The following MED13 variants were observed in gnomAD, a reference collection of about 807,000 sequenced individuals.
MED13 encodes mediator complex subunit 13.
Under a neutral mutation model 225.2 loss-of-function variants are expected in MED13, and 23 were observed. The ratio of observed to expected loss-of-function variants is 0.10; its 90% CI spans 0.07 to 0.14. MED13 has a LOEUF of 0.14. Among genes scored for constraint, MED13 ranks in the 10% least tolerant of loss-of-function variants. The pLI is 1.00. For synonymous variants in MED13, 942 were observed against 889.2 expected, an observed-to-expected ratio of 1.06 and a Z score of -1.06; for missense variants, 2,197 against 2,594.5, an observed-to-expected ratio of 0.85 and a Z score of 3.33.
intron 3 of MED13, among the ~76,000 whole-genome samples, chr17:62,052,249 C>A (rs2080963066): frequency 6.6e-6 from 1 of 152,050 alleles, no homozygotes; most frequent in African/African-American, 2.4e-5. Flanking sequence ...TACTTCCAAG[C>A]CTAAGTCTCT....
chr17:61,958,996 C>T (rs1205351481), intron 23 of MED13, among the ~76,000 whole-genome samples: 1 of 151,812 alleles, frequency 6.6e-6, no homozygotes, highest in Non-Finnish European at 1.5e-5. Context: ...GACTCCATCA[C>T]TGCCCCTCTT....
At chr17:61,989,602 T>C (rs1483061116) in intron 11 of MED13, among the ~76,000 whole-genome samples, 1 of 152,224 alleles carries the variant, frequency 6.6e-6, no homozygotes, top group East Asian at 1.9e-4. Context: ...CCTCCCAAAG[T>C]GCTCGGATTA....
chr17:61,950,486 C>T (rs1012947889), intron 28 of MED13, among the ~76,000 whole-genome samples: 10 of 151,456 alleles, frequency 6.6e-5, no homozygotes, highest in Non-Finnish European at 1.0e-4. Flanking sequence ...CAGGTTCAAG[C>T]GATTCTCCTG....
chr17:62,011,779 C>T lies in MED13; in HGVS notation c.1284-546G>A, dbSNP rs557584897. Among the ~76,000 whole-genome samples, 14 of 152,258 alleles carry T rather than the reference C, an allele frequency of 9.2e-5. No homozygotes were observed. In the East Asian group the frequency reaches 2.5e-3, roughly 27 times the overall value. ...GGGCCTCACACCATACCTACCTTCTCCAAATACTTAGCACTACAAAAAGAA... is the reference window on the plus strand; with the variant it reads ...GGGCCTCACACCATACCTACCTTCTTCAAATACTTAGCACTACAAAAAGAA... On this transcript the variant is annotated intron_variant, in intron 8 of 29. Coordinates refer to ENST00000397786, the MANE Select transcript of MED13 (RefSeq NM_005121.3).
intron 27 of MED13, 147 bp downstream of exon 27, chr17:61,952,818 G>A (rs1404564619): frequency 4.8e-6 from 4 of 838,314 alleles, no homozygotes; most frequent in East Asian, 2.7e-5. Flanking sequence ...TACATTTTTA[G>A]TAGAGATGGG....
At chr17:62,003,072 G>A (rs2080411012) in intron 9 of MED13, among the ~76,000 whole-genome samples, 1 of 152,096 alleles carries the variant, frequency 6.6e-6, no homozygotes, top group South Asian at 2.1e-4. Flanking sequence ...TGGGGCTGGA[G>A]GGATATAAAA....
rs980586772 is a variant in MED13, at chr17:62,035,466, G to C, written c.613C>G (p.Gln205Glu). 1.9e-6 allele frequency: 3 copies of C among 1,598,798 alleles called. No individual in the cohort carries two copies. The highest frequency in any genetic ancestry group is 2.6e-6 in the Non-Finnish European group (3 of 1,174,046). The change falls in exon 4 of 30, where the codon CAA (glutamine) becomes GAA (glutamate). Residue 205 changes from glutamine to glutamate, a missense_variant. By Grantham distance (29) the Gln-to-Glu change is conservative (BLOSUM62 2). Around this residue, in one of 12 missense-constraint regions of MED13, gnomAD observed 884 missense variants for 918.5 expected, o/e 0.96. Coordinates refer to ENST00000397786, the MANE Select transcript of MED13 (RefSeq NM_005121.3). ...TLAQQSNSPF[Q>E]VILCPFGLNG... is the part of the protein sequence containing the mutation. Reference sequence around the variant, plus strand: ...CTAATATAATAAAATAATCTACCTTGAAATGGGCTATTAGACTGTTGAGCA... The same window carrying C: ...CTAATATAATAAAATAATCTACCTTCAAATGGGCTATTAGACTGTTGAGCA...
intron 9 of MED13, among the ~76,000 whole-genome samples, chr17:61,997,182 T>C (rs111394435): frequency 5.3e-5 from 8 of 152,344 alleles, no homozygotes; most frequent in African/African-American, 1.7e-4. Flanking sequence ...TAGTAGCACT[T>C]GATCTCTTAC....
chr17:62,042,339 G>A (rs1348276777), intron 3 of MED13, among the ~76,000 whole-genome samples: 1 of 152,056 alleles, frequency 6.6e-6, no homozygotes, highest in African/African-American at 2.4e-5. Context: ...CAAGGCGGGT[G>A]GATCATGAGG....
Position 61,987,009 on chromosome 17 carries a change from T to C in MED13, c.2383A>G (p.Thr795Ala), listed in dbSNP as rs1331318945. The C allele has an allele frequency of 6.4e-7, 1 of 1,556,834 alleles. No homozygotes were observed. The highest frequency in any genetic ancestry group is 2.4e-5 in the East Asian group (1 of 42,212). Reference protein sequence around the residue: ...NLFNSDEDELTPGSKKSANGS... With the variant: ...NLFNSDEDELAPGSKKSANGS... ...CTATTCATTAATGAGATACTCACTG[T>C]TAGTTCATCTTCATCAGAATTGAAG... is the stretch of plus-strand genomic sequence containing the variant. The change falls in exon 12 of 30, where the codon ACA becomes GCA. Residue 795 changes from threonine to alanine, a missense_variant and splice_region_variant. Physicochemically the swap from Thr to Ala is moderately conservative, Grantham distance 58 (BLOSUM62 0). Transcript: ENST00000397786.
Position 61,965,031 on chromosome 17 carries a change from G to C in MED13, c.4819C>G (p.Gln1607Glu). ...ISGESSSLPT[Q>E]PHPDVSESTM... ...CTTTCAGACACATCAGGATGCGGCT[G>C]AGTGGGAAGTGAAGATGATTCTCCA... The change falls in exon 20 of 30, where the codon CAG (glutamine) becomes GAG (glutamate). Residue 1607 changes from glutamine to glutamate, a missense_variant. By Grantham distance (29) the Gln-to-Glu change is conservative. Around this residue, in one of 12 missense-constraint regions of MED13, gnomAD observed 457 missense variants for 442.2 expected, o/e 1.03. Coordinates refer to ENST00000397786, the MANE Select transcript of MED13 (RefSeq NM_005121.3). 6.2e-7 allele frequency: 1 copy of C among 1,614,082 alleles called. No homozygotes were observed. The highest frequency in any genetic ancestry group is 8.5e-7 in the Non-Finnish European group (1 of 1,179,966).
At chr17:62,028,438 T>C (rs907316970) in intron 8 of MED13, among the ~76,000 whole-genome samples, 1 of 152,120 alleles carries the variant, frequency 6.6e-6, no homozygotes, top group African/African-American at 2.4e-5. Flanking sequence ...AAGTAACTAC[T>C]GGGTACTAGG....
At chr17:61,997,118 C>A (rs575937563) in intron 9 of MED13, among the ~76,000 whole-genome samples, 2 of 152,326 alleles carry the variant, frequency 1.3e-5, no homozygotes, top group Admixed American at 1.3e-4. Context: ...ATCGTACATT[C>A]TTTGACTCAC....
chr17:62,058,520 C>CAA (rs751957495), intron 2 of MED13, among the ~76,000 whole-genome samples: 336 of 52,774 alleles, frequency 6.4e-3, no homozygotes, highest in Middle Eastern at 0.024. Flanking sequence ...GACTTCATCT[C>CAA]AAAAAAAAAA....
chr17:62,023,339 A>G (rs1460251696), intron 8 of MED13, among the ~76,000 whole-genome samples: 1 of 152,162 alleles, frequency 6.6e-6, no homozygotes, highest in East Asian at 1.9e-4. Flanking sequence ...GAAAGTGAGG[A>G]AACCCAGAGA....
rs368458282 is a variant in MED13 at position 61,944,715 on chromosome 17, T to C, written c.*1753A>G. 6.5e-6 allele frequency: 1 copy of C among 152,690 alleles called. No homozygotes were observed. The highest frequency in any genetic ancestry group is 1.9e-4 in the East Asian group (1 of 5,190). 9.5% of individuals were successfully genotyped at this position (152,690 alleles called of 1,614,324 possible). ...ACTAAAACAAACACTGAAGTAGAGT[T>C]TTGTAAATACAACTGATTTTGTCCT... On this transcript the variant is annotated 3_prime_UTR_variant, in exon 30 of 30. Transcript: ENST00000397786.
chr17:61,986,224 G>GT (rs2080246454), intron 12 of MED13, among the ~76,000 whole-genome samples: 2 of 152,044 alleles, frequency 1.3e-5, no homozygotes, highest in Admixed American at 1.3e-4. Context: ...AAAAGTTTAT[G>GT]TATCTGCAAT....
At chr17:62,019,100 A>C (rs1285166197) in intron 8 of MED13, among the ~76,000 whole-genome samples, 2 of 152,082 alleles carry the variant, frequency 1.3e-5, no homozygotes, top group Admixed American at 1.3e-4. Context: ...TTATTAAAAT[A>C]CTCTCTTCCC....
At chr17:61,952,882 G>C in intron 27 of MED13, 83 bp downstream of exon 27, 1 of 1,465,596 alleles carries the variant, frequency 6.8e-7, no homozygotes, top group Non-Finnish European at 9.2e-7. Flanking sequence ...TGATCCACCT[G>C]CTTCGCCCTC....
Sources: gnomAD v4.1 joint callset for allele counts (sites outside exome capture counted in the v4.1 genomes callset) on GRCh38, gnomAD v4.1.1 for gene constraint, gnomAD v4.1.1 regional missense constraint, MANE v1.5 for transcripts, NCBI Gene and HGNC (gene_info 2026-07-23, HGNC 2026-07-21) for gene names.